The following CREM variants were observed in gnomAD, a reference collection of about 807,000 sequenced individuals.
CREM encodes the protein cAMP responsive element modulator.
A neutral mutation model predicts 37.3 loss-of-function variants in CREM; 13 were observed. The observed-to-expected ratio is 0.35, with a 90% CI of 0.23 to 0.55. CREM has a LOEUF of 0.55. Ranked by LOEUF, CREM falls within the 20% of genes least tolerant of loss-of-function variation. CREM has a pLI of 0.88. For synonymous variants in CREM, 124 were observed against 120.2 expected (o/e 1.03, Z -0.21); for missense variants, 296 against 362.3 (o/e 0.82, Z 1.49).
At chr10:35,159,205 T>C (rs2093134705) in intron 3 of CREM, among the ~76,000 whole-genome samples, 1 of 152,126 alleles carries the variant, frequency 6.6e-6, no homozygotes, top group South Asian at 2.1e-4. Flanking sequence ...TGATAGAACT[T>C]AAGAACTTGT....
chr10:35,128,322 C>G (rs2088429644), intron 1 of CREM, among the ~76,000 whole-genome samples: 1 of 152,180 alleles, frequency 6.6e-6, no homozygotes, highest in African/African-American at 2.4e-5. Flanking sequence ...TCCTTTAACA[C>G]TGTGGCTTAC....
intron 3 of CREM, among the ~76,000 whole-genome samples, chr10:35,174,415 AC>A (rs2093958825): frequency 6.6e-6 from 1 of 152,218 alleles, no homozygotes; most frequent in Non-Finnish European, 1.5e-5. Flanking sequence ...AGGTTCTCTT[AC>A]ACGGATAAAA....
At chr10:35,188,072 A>G (rs2094729146) in intron 5 of CREM, 128 bp from the exon 6 acceptor site, 2 of 899,862 alleles carry the variant, frequency 2.2e-6, no homozygotes, top group Non-Finnish European at 1.6e-6. Context: ...TCAATTCAGC[A>G]TAGAAAATAA....
intron 3 of CREM, among the ~76,000 whole-genome samples, chr10:35,173,759 C>A (rs2132840778): frequency 6.6e-6 from 1 of 152,268 alleles, no homozygotes; most frequent in East Asian, 1.9e-4. Context: ...GCAAACGCTA[C>A]AAGTCAGTGT....
chr10:35,134,894 C>T (rs951551872), intron 1 of CREM, among the ~76,000 whole-genome samples: 7 of 151,884 alleles, frequency 4.6e-5, no homozygotes, highest in African/African-American at 9.7e-5. Context: ...AAAAATTAGC[C>T]GAGCATGGTG....
intron 5 of CREM, chr10:35,179,701 TCTCTA>T (rs1387653922): frequency 6.4e-6 from 1 of 157,182 alleles, no homozygotes; most frequent in Non-Finnish European, 1.4e-5. Flanking sequence ...GTTTCACTAC[TCTCTA>T]CTCTGTTAAT....
intron 3 of CREM, chr10:35,158,474 G>T: frequency 4.2e-6 from 1 of 238,812 alleles, no homozygotes; most frequent in Non-Finnish European, 8.5e-6. Flanking sequence ...AAGAGTTCAA[G>T]GCGAACGAAG....
intron 5 of CREM, among the ~76,000 whole-genome samples, chr10:35,187,130 TA>T (rs2094638294): frequency 6.5e-5 from 5 of 77,302 alleles, no homozygotes; most frequent in South Asian, 3.0e-4. Context: ...ATAAATATAT[TA>T]ATATATTAAT....
At chr10:35,194,113 AAAAAAAAAAAAGAC>A (rs1564945738) in intron 6 of CREM, among the ~76,000 whole-genome samples, 2 of 149,816 alleles carry the variant, frequency 1.3e-5, no homozygotes, top group African/African-American at 2.4e-5. Context: ...AAAAAAAAAA[AAAAAAAAAAAAGAC>A]AAAAGGTCTC....
intron 3 of CREM, among the ~76,000 whole-genome samples, chr10:35,161,417 C>T (rs1445140032): frequency 6.6e-6 from 1 of 151,880 alleles, no homozygotes; most frequent in African/African-American, 2.4e-5. Flanking sequence ...ATTGCTTAAA[C>T]CCAGAGGCGG....
intron 3 of CREM, among the ~76,000 whole-genome samples, chr10:35,150,322 AC>A (rs909802117): frequency 1.3e-5 from 2 of 151,616 alleles, no homozygotes; most frequent in African/African-American, 4.9e-5. Context: ...AGCTTCTTGT[AC>A]CCAGCCTGAA....
At chr10:35,181,517 G>A (rs1055765911) in intron 5 of CREM, among the ~76,000 whole-genome samples, 4 of 152,070 alleles carry the variant, frequency 2.6e-5, no homozygotes, top group Non-Finnish European at 5.9e-5. Flanking sequence ...TGTGTCTGTG[G>A]GGGGGATGAG....
At chr10:35,128,576 A>C (rs1314597951) in intron 1 of CREM, among the ~76,000 whole-genome samples, 1 of 135,430 alleles carries the variant, frequency 7.4e-6, no homozygotes, top group East Asian at 2.1e-4. Flanking sequence ...CCCAGGCTGG[A>C]GTGCAGTGGT....
chr10:35,206,152 G>A (rs1349809347), intron 6 of CREM, among the ~76,000 whole-genome samples: 1 of 151,922 alleles, frequency 6.6e-6, no homozygotes, highest in Non-Finnish European at 1.5e-5. Flanking sequence ...GGAGGCTGAG[G>A]CAGGAGAATG....
intron 5 of CREM, among the ~76,000 whole-genome samples, chr10:35,185,598 AAGTT>A (rs1355127380): frequency 4.6e-5 from 7 of 152,206 alleles, no homozygotes; most frequent in Non-Finnish European, 8.8e-5. Context: ...TACTTGTAAG[AAGTT>A]AGTTAGATCT....
chr10:35,203,275 G>T (rs2134358194), intron 6 of CREM, among the ~76,000 whole-genome samples: 2 of 152,168 alleles, frequency 1.3e-5, no homozygotes, highest in East Asian at 3.9e-4. Context: ...TGAACTCCTG[G>T]ACTCAAGTGA....
chr10:35,173,911 A>G (rs1284470691), intron 3 of CREM, among the ~76,000 whole-genome samples: 2 of 152,234 alleles, frequency 1.3e-5, no homozygotes, highest in African/African-American at 2.4e-5. Context: ...ATTAGTTGTG[A>G]GGAGAAAGAG....
intron 6 of CREM, among the ~76,000 whole-genome samples, chr10:35,194,898 A>T (rs967953598): frequency 9.9e-5 from 14 of 141,914 alleles, no homozygotes; most frequent in African/African-American, 3.9e-4. Flanking sequence ...ATGCTAAAAG[A>T]GACATTATTA....
chr10:35,164,779 G>T (rs974080478), intron 3 of CREM, among the ~76,000 whole-genome samples: 1 of 152,222 alleles, frequency 6.6e-6, no homozygotes, highest in Non-Finnish European at 1.5e-5. Context: ...GGCTGGGGCA[G>T]TGGCCCATGC....
Sources: gnomAD v4.1 joint callset for allele counts (sites outside exome capture counted in the v4.1 genomes callset) on GRCh38, gnomAD v4.1.1 for gene constraint, MANE v1.5 for transcripts, NCBI Gene and HGNC (gene_info 2026-07-23, HGNC 2026-07-21) for gene names.